Variants in SLC2A13 observed in about 807,000 individuals in gnomAD.
SLC2A13 encodes the protein proton myo-inositol cotransporter.
A neutral mutation model predicts 64.4 loss-of-function variants in SLC2A13; 32 were observed. The ratio of observed to expected loss-of-function variants is 0.50; its 90% CI spans 0.37 to 0.67. SLC2A13 has a LOEUF of 0.67. SLC2A13 is among the 30% of genes least tolerant of loss of function. The probability of loss-of-function intolerance (pLI) is 0.00; values close to 1 mark genes in which losing one functional copy is unlikely to be tolerated. For missense variants in SLC2A13, 743 were observed against 829.2 expected, an observed-to-expected ratio of 0.90 and a Z score of 1.28; for synonymous variants, 338 against 327.1, an observed-to-expected ratio of 1.03 and a Z score of -0.36.
At chr12:39,943,170 C>T (rs1257118365) in intron 4 of SLC2A13, among the ~76,000 whole-genome samples, 4 of 152,176 alleles carry the variant, frequency 2.6e-5, no homozygotes, top group African/African-American at 7.2e-5. Flanking sequence ...CCAGAGCTCT[C>T]CTGTATGAGG....
At chr12:39,892,985 ATTTT>A (rs1251015761) in intron 4 of SLC2A13, among the ~76,000 whole-genome samples, 1 of 152,172 alleles carries the variant, frequency 6.6e-6, no homozygotes, top group Non-Finnish European at 1.5e-5. Flanking sequence ...AATTTAAAAA[ATTTT>A]TTGATGTTAC....
chr12:39,846,624 T>C (rs1943320772), intron 6 of SLC2A13, among the ~76,000 whole-genome samples: 1 of 152,160 alleles, frequency 6.6e-6, no homozygotes, highest in Non-Finnish European at 1.5e-5. Context: ...GCTAATTTTT[T>C]GTATTTTTGG....
At chr12:39,978,084 C>G (rs1474459633) in intron 3 of SLC2A13, among the ~76,000 whole-genome samples, 1 of 152,186 alleles carries the variant, frequency 6.6e-6, no homozygotes, top group Non-Finnish European at 1.5e-5. Context: ...CTAGAGAGAA[C>G]TGATAGAAGT....
intron 3 of SLC2A13, among the ~76,000 whole-genome samples, chr12:39,961,667 TA>T (rs1478588959): frequency 6.6e-6 from 1 of 151,524 alleles, no homozygotes; most frequent in African/African-American, 2.4e-5. Flanking sequence ...TCTGGCTAAT[TA>T]AAAAAAAATT....
intron 2 of SLC2A13, among the ~76,000 whole-genome samples, chr12:40,039,414 G>A (rs926191784): frequency 6.6e-6 from 1 of 152,082 alleles, no homozygotes; most frequent in Non-Finnish European, 1.5e-5. Flanking sequence ...CCATAAATGG[G>A]TTTTAGGTAT....
At chr12:40,088,880 G>A (rs1237408317) in intron 1 of SLC2A13, among the ~76,000 whole-genome samples, 1 of 152,132 alleles carries the variant, frequency 6.6e-6, no homozygotes, top group Non-Finnish European at 1.5e-5. Flanking sequence ...GTTTATCCTA[G>A]CATGGTAAAA....
At chr12:40,042,500 T>C (rs1311890970) in intron 2 of SLC2A13, among the ~76,000 whole-genome samples, 1 of 152,204 alleles carries the variant, frequency 6.6e-6, no homozygotes, top group Admixed American at 6.5e-5. Context: ...CTCTTATTTG[T>C]ACCTGCAGAA....
chr12:40,034,110 C>T (rs536538503), intron 2 of SLC2A13, among the ~76,000 whole-genome samples: 1 of 152,212 alleles, frequency 6.6e-6, no homozygotes, highest in South Asian at 2.1e-4. Context: ...AAAAACTATC[C>T]TAGTTAAGGG....
chr12:40,002,757 T>C (rs758240617), intron 3 of SLC2A13, among the ~76,000 whole-genome samples: 7 of 152,048 alleles, frequency 4.6e-5, no homozygotes, highest in Non-Finnish European at 1.0e-4. Flanking sequence ...GGCATTAATA[T>C]GGATGATGGC....
intron 7 of SLC2A13, among the ~76,000 whole-genome samples, chr12:39,809,021 T>C (rs1402981601): frequency 6.6e-6 from 1 of 152,176 alleles, no homozygotes; most frequent in Non-Finnish European, 1.5e-5. Context: ...TGTTTCCTTA[T>C]AAATGTTTTA....
intron 4 of SLC2A13, among the ~76,000 whole-genome samples, chr12:39,932,228 T>C (rs1945836873): frequency 1.3e-5 from 2 of 152,190 alleles, no homozygotes; most frequent in Non-Finnish European, 2.9e-5. Flanking sequence ...AGTTATTTAA[T>C]CAGTTTACTA....
At chr12:39,786,260 C>T (rs1179792145) in intron 7 of SLC2A13, among the ~76,000 whole-genome samples, 3 of 152,048 alleles carry the variant, frequency 2.0e-5, no homozygotes, top group Admixed American at 6.5e-5. Context: ...ATGCTATCCT[C>T]GTGATAGCGA....
At chr12:39,853,675 T>A (rs991362348) in intron 6 of SLC2A13, among the ~76,000 whole-genome samples, 5 of 151,812 alleles carry the variant, frequency 3.3e-5, no homozygotes, top group Non-Finnish European at 5.9e-5. Flanking sequence ...TACAGCCTGG[T>A]GTTTCATCAA....
intron 3 of SLC2A13, among the ~76,000 whole-genome samples, chr12:40,008,020 G>A (rs1171558869): frequency 6.6e-6 from 1 of 152,074 alleles, no homozygotes; most frequent in African/African-American, 2.4e-5. Context: ...TAATTAAACA[G>A]CATCAAAAGA....
intron 4 of SLC2A13, among the ~76,000 whole-genome samples, chr12:39,882,065 A>T (rs1944350510): frequency 6.6e-6 from 1 of 151,736 alleles, no homozygotes; most frequent in Admixed American, 6.6e-5. Flanking sequence ...CTGACATAAT[A>T]TGTCACTCTC....
At chr12:39,921,571 G>A (rs1945616040) in intron 4 of SLC2A13, among the ~76,000 whole-genome samples, 1 of 152,066 alleles carries the variant, frequency 6.6e-6, no homozygotes, top group Middle Eastern at 3.2e-3. Flanking sequence ...AGAACAAAAC[G>A]TCCTCCAAAA....
intron 1 of SLC2A13, among the ~76,000 whole-genome samples, chr12:40,097,470 T>A (rs983463733): frequency 6.6e-6 from 1 of 152,122 alleles, no homozygotes; most frequent in African/African-American, 2.4e-5. Context: ...AAATCATATA[T>A]CTGATAGGGG....
intron 7 of SLC2A13, among the ~76,000 whole-genome samples, chr12:39,766,943 T>C (rs987138547): frequency 6.6e-6 from 1 of 152,056 alleles, no homozygotes; most frequent in African/African-American, 2.4e-5. Context: ...TTTAAAGTCA[T>C]CCATAAAGGT....
rs113170684 is a variant in SLC2A13 at position 39,847,700 on chromosome 12, CAGAG to C, written c.1319+17058_1319+17061del. On this transcript the variant is annotated intron_variant, in intron 6 of 9. Coordinates refer to ENST00000280871, the MANE Select transcript of SLC2A13 (RefSeq NM_052885.4). ...TTACCCTTGAGTTTATTTCACATGA[CAGAG>C]AGAGAGAAAGACTTCTTCCTTGCTT... is the stretch of plus-strand genomic sequence containing the variant. Among the ~76,000 whole-genome samples the C allele has an allele frequency of 1.9e-3, 284 of 152,062 alleles. 2 individuals carry two copies. The highest frequency in any genetic ancestry group is 6.4e-3 in the African/African-American group (267 of 41,500).
Sources: allele counts gnomAD v4.1 joint callset (sites outside exome capture counted in the v4.1 genomes callset), GRCh38; gene constraint gnomAD v4.1.1; transcripts MANE v1.5; gene names NCBI Gene and HGNC (gene_info 2026-07-23, HGNC 2026-07-21).